The following EYS variants were observed in gnomAD, a reference collection of about 807,000 sequenced individuals.
The protein encoded by EYS is EGF-like photoreceptor maintenance factor.
In EYS, 250 loss-of-function variants were observed where a neutral mutation model predicts 282.1. The observed-to-expected ratio is 0.89, with a 90% CI of 0.80 to 0.98. The LOEUF (loss-of-function observed/expected upper bound fraction) is 0.98. Ranked by LOEUF, EYS falls within the 50% of genes least tolerant of loss-of-function variation. The pLI, the probability that EYS is intolerant of heterozygous loss-of-function variation, is 0.00. For missense variants in EYS, 4,016 were observed against 3,709.0 expected (o/e 1.08, Z -2.15); for synonymous variants, 1,355 against 1,282.9 (o/e 1.06, Z -1.20).
At chr6:64,449,162 G>A (rs777700888) in intron 26 of EYS, among the ~76,000 whole-genome samples, 199 of 152,336 alleles carry the variant, frequency 1.3e-3, no homozygotes, top group Non-Finnish European at 2.5e-3. Context: ...AGTCTTTAAA[G>A]GACTTCATGG....
chr6:64,743,146 G>C (rs1168534312), intron 22 of EYS, among the ~76,000 whole-genome samples: 2 of 151,992 alleles, frequency 1.3e-5, no homozygotes, highest in African/African-American at 4.8e-5. Context: ...GAACAAATGT[G>C]ATAAACCTAA....
At chr6:65,143,145 A>T (rs73439460) in intron 12 of EYS, among the ~76,000 whole-genome samples, 4,521 of 152,132 alleles carry the variant, frequency 0.03, 92 homozygotes, top group African/African-American at 0.058. Context: ...ACACCCGAGA[A>T]TGAATCATAT....
intron 19 of EYS, among the ~76,000 whole-genome samples, chr6:64,857,683 A>G (rs988315129): frequency 1.3e-5 from 2 of 152,138 alleles, no homozygotes; most frequent in South Asian, 2.1e-4. Context: ...GAACCTCCAT[A>G]CCATTTTCCA....
intron 41 of EYS, among the ~76,000 whole-genome samples, chr6:63,732,460 G>A (rs1324158135): frequency 1.3e-5 from 2 of 152,044 alleles, no homozygotes; most frequent in African/African-American, 2.4e-5. Flanking sequence ...CAGCTTCAAG[G>A]ATAAACTAGA....
intron 30 of EYS, among the ~76,000 whole-genome samples, chr6:64,268,352 A>G: frequency 6.6e-6 from 1 of 152,308 alleles, no homozygotes; most frequent in South Asian, 2.1e-4. Context: ...GGAAGGGTAT[A>G]TAAGAAATAA....
At chr6:63,909,991 A>G (rs569058922) in intron 35 of EYS, among the ~76,000 whole-genome samples, 9 of 152,324 alleles carry the variant, frequency 5.9e-5, no homozygotes, top group Non-Finnish European at 1.3e-4. Flanking sequence ...AAAACATGTC[A>G]AGAGAAAAGT....
rs545805162 is a variant in EYS at position 64,590,335 on chromosome 6, A to G, written c.5532T>C (p.Pro1844=). The G allele has an allele frequency of 2.8e-5, 43 of 1,551,270 alleles. No individual in the cohort carries two copies. The African/African-American group carries it at 5.5e-4, about 20-fold the overall frequency. The part of the protein sequence containing the change: ...SSEWSKWELQ[P]SVQYQEFPTA... ...TGGGAAATTCCTGATATTGCACACT[A>G]GGCTGAAGTTCCCATTTGGACCATT... Residue 1844 remains proline, a synonymous_variant, in exon 26 of 43, where the codon CCT becomes CCC. Transcript: ENST00000503581.
At chr6:63,949,711 G>C (rs934458949) in intron 35 of EYS, among the ~76,000 whole-genome samples, 1 of 152,088 alleles carries the variant, frequency 6.6e-6, no homozygotes, top group Admixed American at 6.5e-5. Context: ...GTTCTATAAA[G>C]TGGCATAAAT....
chr6:65,634,962 C>T (rs1873291), intron 2 of EYS, among the ~76,000 whole-genome samples: 76,671 of 152,026 alleles, frequency 0.5, 20,045 homozygotes, highest in African/African-American at 0.66. Context: ...AATCAATTTG[C>T]CTTCATCACA....
chr6:64,997,823 A>G, intron 13 of EYS, 120 bp from the exon 14 acceptor site: 1 of 815,966 alleles, frequency 1.2e-6, no homozygotes. Context: ...ATAAAGTAAG[A>G]ATTATTATAT....
rs887083835 is a variant in EYS, at chr6:64,372,498, A to T, written c.6078+16192T>A. On this transcript the variant is annotated intron_variant, in intron 29 of 42. Transcript: ENST00000503581. Reference sequence around the variant, plus strand: ...TTTTCTTTCATCTCCACATTGGAGAATCTGATGTCTCTGTGTCTTGGGGGT... The same window carrying T: ...TTTTCTTTCATCTCCACATTGGAGATTCTGATGTCTCTGTGTCTTGGGGGT... 6.6e-5 allele frequency among the ~76,000 whole-genome samples: 10 copies of T among 151,846 alleles called. No homozygotes were observed. The South Asian group carries it at 1.9e-3, about 29-fold the overall frequency.
chr6:65,059,731 A>G (rs1376749550), intron 12 of EYS, among the ~76,000 whole-genome samples: 1 of 152,122 alleles, frequency 6.6e-6, no homozygotes, highest in Non-Finnish European at 1.5e-5. Context: ...GTAACAAGAG[A>G]AGCACCTCAG....
rs1242148768 is a variant in EYS, at chr6:63,727,731, A to T, written c.8072-1051T>A. The stretch of plus-strand genomic sequence containing the variant: ...CAAAAAAAAAAAAAAAAAAAAAAAA[A>T]AAAAAAATATATATATATATGTTAG... On this transcript the variant is annotated intron_variant, in intron 41 of 42. Transcript: ENST00000503581. Among the ~76,000 whole-genome samples the T allele has an allele frequency of 9.1e-3, 531 of 58,324 alleles. 20 individuals are homozygous for T. The highest frequency in any genetic ancestry group is 0.055 in the African/African-American group (393 of 7,208). The allele number at this position is 58,324 out of a possible 152,430, so 38.3% of individuals were successfully genotyped here.
intron 12 of EYS, among the ~76,000 whole-genome samples, chr6:65,162,758 C>T (rs1019955209): frequency 1.2e-4 from 18 of 150,796 alleles, no homozygotes; most frequent in Non-Finnish European, 2.4e-4. Context: ...GCTCTGTGCC[C>T]TAAAACTAAA....
chr6:65,386,406 GT>G (rs34422988), intron 7 of EYS, among the ~76,000 whole-genome samples: 17 of 149,468 alleles, frequency 1.1e-4, no homozygotes, highest in African/African-American at 3.2e-4. Flanking sequence ...GAACTTTAAA[GT>G]TTTTTTTTTC....
At chr6:65,607,676 CA>C (rs1765848257) in intron 2 of EYS, among the ~76,000 whole-genome samples, 1 of 151,564 alleles carries the variant, frequency 6.6e-6, no homozygotes, top group Non-Finnish European at 1.5e-5. Context: ...TTAATATGGC[CA>C]AACAAAATTT....
chr6:64,703,319 T>C (rs1053414858), intron 22 of EYS, among the ~76,000 whole-genome samples: 7 of 149,126 alleles, frequency 4.7e-5, no homozygotes, highest in Admixed American at 3.4e-4. Context: ...GCAATGCTAA[T>C]TTTTTATGTA....
chr6:63,883,102 T>C (rs1161795146), intron 35 of EYS, among the ~76,000 whole-genome samples: 1 of 152,206 alleles, frequency 6.6e-6, no homozygotes, highest in Non-Finnish European at 1.5e-5. Flanking sequence ...ATTCAGCCCA[T>C]AATCAGTCAC....
At chr6:64,595,020 T>G (rs1257197953) in intron 24 of EYS, among the ~76,000 whole-genome samples, 1 of 152,044 alleles carries the variant, frequency 6.6e-6, no homozygotes, top group Non-Finnish European at 1.5e-5. Context: ...CTATCATTGA[T>G]GAACCTAGAT....
Sources: gnomAD v4.1 joint callset for allele counts (sites outside exome capture counted in the v4.1 genomes callset) on GRCh38, gnomAD v4.1.1 for gene constraint, MANE v1.5 for transcripts, NCBI Gene and HGNC (gene_info 2026-07-23, HGNC 2026-07-21) for gene names.